Variants in COL6A6 observed in about 807,000 individuals in gnomAD.
COL6A6 encodes collagen alpha-6(VI) chain.
COL6A6 carries 183 observed loss-of-function variants against 208.6 expected under a neutral mutation model. That is an observed-to-expected ratio of 0.88 (90% CI 0.78 to 0.99). The LOEUF is 0.99. Ranked by LOEUF, COL6A6 falls within the 50% of genes least tolerant of loss-of-function variation. The pLI is 0.00. For synonymous variants in COL6A6, 973 were observed against 1,011.8 expected, an observed-to-expected ratio of 0.96 and a Z score of 0.73; for missense variants, 2,816 against 2,815.2, an observed-to-expected ratio of 1.00 and a Z score of -0.01.
intron 1 of COL6A6, among the ~76,000 whole-genome samples, chr3:130,524,568 T>C (rs2061918322): frequency 6.6e-6 from 1 of 151,448 alleles, no homozygotes; most frequent in South Asian, 2.1e-4. Flanking sequence ...ATAGATAAAT[T>C]CATAAATATG....
Position 130,533,555 on chromosome 3 carries a change from GT to G in COL6A6, c.-32+16160del, listed in dbSNP as rs2062155820. ...TTAACAATAACATCTTTCAATGTTT[GT>G]TCAGACTTTTTAAAAAAATAAAATA... is the stretch of plus-strand genomic sequence containing the variant. On this transcript the variant is annotated intron_variant, in intron 1 of 36. Transcript: ENST00000358511. Among the ~76,000 whole-genome samples the G allele has an allele frequency of 2.0e-5, 3 of 152,084 alleles. No homozygotes were observed. In the South Asian group the frequency reaches 6.2e-4, roughly 32 times the overall value.
chr3:130,614,393 C>A (rs905952023), intron 23 of COL6A6, among the ~76,000 whole-genome samples: 3 of 152,138 alleles, frequency 2.0e-5, no homozygotes, highest in Non-Finnish European at 4.4e-5. Context: ...TTTTGATGTG[C>A]TACTGGATTC....
intron 32 of COL6A6, 98 bp from the exon 33 acceptor site, chr3:130,648,967 TTAAG>T: frequency 1.1e-6 from 1 of 927,732 alleles, no homozygotes. Context: ...ATTATTCTCT[TTAAG>T]TATTTGAATG....
At chr3:130,567,283 A>T in intron 5 of COL6A6, 21 bp downstream of exon 5, 2 of 1,553,974 alleles carry the variant, frequency 1.3e-6, no homozygotes, top group Non-Finnish European at 1.7e-6. Flanking sequence ...TCGTGGCTTT[A>T]CCTACTGACC....
chr3:130,617,115 A>T (rs916279733), intron 23 of COL6A6, among the ~76,000 whole-genome samples: 2 of 152,204 alleles, frequency 1.3e-5, no homozygotes, highest in African/African-American at 4.8e-5. Flanking sequence ...GTAGTAATCA[A>T]CAAGTTTCAT....
At chr3:130,658,940 C>T (rs1184685579) in intron 34 of COL6A6, among the ~76,000 whole-genome samples, 168 bp downstream of exon 34, 3 of 152,186 alleles carry the variant, frequency 2.0e-5, no homozygotes, top group African/African-American at 4.8e-5. Flanking sequence ...GATGAATCCT[C>T]TCAGCTCAGC....
rs574525598 is a variant in COL6A6, at chr3:130,599,688, T to C, written c.4600-69T>C. ...CTATCTATCCTCCCTGGAGTAAAAG[T>C]TGATGTTAAAGAGAAACTCTGTCAA... On this transcript the variant is annotated intron_variant, in intron 19 of 36. Coordinates refer to ENST00000358511, the MANE Select transcript of COL6A6 (RefSeq NM_001102608.3). 4.8e-5 allele frequency: 73 copies of C among 1,521,228 alleles called. No homozygotes were observed. The African/African-American group carries it at 8.9e-4, about 18-fold the overall frequency. 94.2% of individuals were successfully genotyped at this position (1,521,228 alleles called of 1,614,324 possible).
intron 36 of COL6A6, among the ~76,000 whole-genome samples, chr3:130,672,405 A>ATT (rs531723309): frequency 3.5e-5 from 5 of 143,938 alleles, no homozygotes; most frequent in Admixed American, 6.9e-5. Context: ...GAGTAATCAC[A>ATT]TTTTTTTTTT....
intron 32 of COL6A6, chr3:130,646,456 C>G (rs2065464197): frequency 6.6e-6 from 1 of 152,636 alleles, no homozygotes; most frequent in African/African-American, 2.4e-5. Flanking sequence ...TGCCTGTAAT[C>G]CCAGCTGCTT....
chr3:130,543,773 A>G (rs2107763421), intron 1 of COL6A6, among the ~76,000 whole-genome samples: 1 of 152,332 alleles, frequency 6.6e-6, no homozygotes, highest in East Asian at 1.9e-4. Flanking sequence ...TGAATAAGAA[A>G]AATGGTTGTA....
At chr3:130,669,798 T>C (rs1178357004) in intron 36 of COL6A6, among the ~76,000 whole-genome samples, 2 of 151,812 alleles carry the variant, frequency 1.3e-5, no homozygotes, top group African/African-American at 4.8e-5. Flanking sequence ...TTAGCACGTA[T>C]GAATATTACT....
chr3:130,642,508 G>A (rs896796871), intron 29 of COL6A6, among the ~76,000 whole-genome samples: 13 of 152,250 alleles, frequency 8.5e-5, no homozygotes, highest in East Asian at 1.9e-4. Context: ...AGGCGTAGGC[G>A]TGCTCCAGAG....
chr3:130,556,823 G>A (rs1307476433), intron 1 of COL6A6, among the ~76,000 whole-genome samples: 2 of 152,146 alleles, frequency 1.3e-5, no homozygotes, highest in Non-Finnish European at 1.5e-5. Flanking sequence ...AAGGATCAGC[G>A]CTGAAGACAT....
intron 33 of COL6A6, among the ~76,000 whole-genome samples, chr3:130,654,929 T>C (rs2065747406): frequency 1.3e-5 from 2 of 152,034 alleles, no homozygotes; most frequent in Admixed American, 1.3e-4. Context: ...GTGTGGAAAA[T>C]GGTCTTCATA....
At chr3:130,609,200 T>G (rs2064277976) in intron 22 of COL6A6, among the ~76,000 whole-genome samples, 1 of 152,208 alleles carries the variant, frequency 6.6e-6, no homozygotes, top group Non-Finnish European at 1.5e-5. Flanking sequence ...GTGGTCCTTG[T>G]GTACTGGGTT....
intron 1 of COL6A6, among the ~76,000 whole-genome samples, chr3:130,525,408 G>A (rs1160891444): frequency 1.3e-5 from 2 of 152,162 alleles, no homozygotes; most frequent in South Asian, 2.1e-4. Context: ...TTGAGAAGTC[G>A]CTCAGGGACT....
At chr3:130,575,685 C>G (rs571533353) in intron 8 of COL6A6, among the ~76,000 whole-genome samples, 1 of 152,230 alleles carries the variant, frequency 6.6e-6, no homozygotes, top group South Asian at 2.1e-4. Context: ...TCTGGTCTCT[C>G]CAGAAGGAGA....
At chr3:130,634,202 T>TAAAAAA (rs1177021616) in intron 26 of COL6A6, among the ~76,000 whole-genome samples, 1 of 36,398 alleles carries the variant, frequency 2.7e-5, no homozygotes, top group Non-Finnish European at 4.0e-5. Context: ...TATAAAATGT[T>TAAAAAA]AAAAAAAAAA....
At chr3:130,542,988 C>A (rs2062407642) in intron 1 of COL6A6, among the ~76,000 whole-genome samples, 2 of 150,924 alleles carry the variant, frequency 1.3e-5, no homozygotes, top group Non-Finnish European at 2.9e-5. Flanking sequence ...TCACTGCAAC[C>A]TCCGCCTCCC....
Sources: gnomAD v4.1 joint callset for allele counts (sites outside exome capture counted in the v4.1 genomes callset) on GRCh38, gnomAD v4.1.1 for gene constraint, MANE v1.5 for transcripts, NCBI Gene and HGNC (gene_info 2026-07-23, HGNC 2026-07-21) for gene names.